The following LRBA variants were observed in gnomAD, a reference collection of about 807,000 sequenced individuals.
LRBA encodes LPS responsive beige-like anchor protein.
Under a neutral mutation model 330.0 loss-of-function variants are expected in LRBA, and 176 were observed. That is an observed-to-expected ratio of 0.53 (90% CI 0.47 to 0.60). The LOEUF (loss-of-function observed/expected upper bound fraction) is 0.60. Ranked by LOEUF, LRBA falls within the 20% of genes least tolerant of loss-of-function variation. The probability of loss-of-function intolerance (pLI) is 0.00; values close to 1 mark genes in which losing one functional copy is unlikely to be tolerated. For missense variants in LRBA, 3,259 were observed against 3,444.8 expected (o/e 0.95, Z 1.35); for synonymous variants, 1,230 against 1,193.0 (o/e 1.03, Z -0.64).
intron 9 of LRBA, among the ~76,000 whole-genome samples, chr4:150,911,923 G>A (rs952855253): frequency 6.6e-6 from 1 of 152,038 alleles, no homozygotes; most frequent in African/African-American, 2.4e-5. Context: ...AGTCTCAGTA[G>A]GATGTATATT....
chr4:150,683,885 C>T, intron 36 of LRBA, 168 bp from the exon 37 acceptor site: 1 of 555,236 alleles, frequency 1.8e-6, no homozygotes, highest in Non-Finnish European at 3.2e-6. Context: ...ATAAAACATC[C>T]CACAAGAATT....
intron 37 of LRBA, among the ~76,000 whole-genome samples, chr4:150,639,185 A>G (rs1284776511): frequency 7.1e-6 from 1 of 141,208 alleles, no homozygotes; most frequent in East Asian, 2.1e-4. Context: ...GGGGAATATC[A>G]CACTCTGGGG....
chr4:150,542,946 T>C (rs1021296739), intron 40 of LRBA, among the ~76,000 whole-genome samples: 6 of 152,182 alleles, frequency 3.9e-5, no homozygotes, highest in African/African-American at 1.4e-4. Context: ...AATAATTTTA[T>C]AATGAGGCTT....
At chr4:150,407,738 C>A (rs1176514346) in intron 47 of LRBA, among the ~76,000 whole-genome samples, 2 of 152,080 alleles carry the variant, frequency 1.3e-5, no homozygotes, top group Admixed American at 1.3e-4. Context: ...GGAAAATACA[C>A]ATTTGGAAAA....
chr4:150,613,863 C>G (rs762476642), intron 37 of LRBA, among the ~76,000 whole-genome samples: 1 of 152,226 alleles, frequency 6.6e-6, no homozygotes, highest in Non-Finnish European at 1.5e-5. Flanking sequence ...CTCCAGGCAT[C>G]TCTTCCTAGA....
intron 46 of LRBA, among the ~76,000 whole-genome samples, chr4:150,416,830 T>A (rs1185181789): frequency 6.6e-6 from 1 of 152,112 alleles, no homozygotes; most frequent in Non-Finnish European, 1.5e-5. Flanking sequence ...TATTGCATGG[T>A]ATGAGTCATA....
chr4:150,630,087 A>G (rs971226905), intron 37 of LRBA, among the ~76,000 whole-genome samples: 1 of 152,180 alleles, frequency 6.6e-6, no homozygotes, highest in African/African-American at 2.4e-5. Context: ...AAGCCTGTAT[A>G]TCATCTTTGA....
At chr4:150,513,181 A>G (rs1295289003) in intron 40 of LRBA, among the ~76,000 whole-genome samples, 1 of 152,242 alleles carries the variant, frequency 6.6e-6, no homozygotes, top group Non-Finnish European at 1.5e-5. Flanking sequence ...AGGTATAATC[A>G]TACTACCTCT....
chr4:150,762,869 T>C (rs556933769), intron 34 of LRBA, among the ~76,000 whole-genome samples: 18 of 152,102 alleles, frequency 1.2e-4, no homozygotes, highest in African/African-American at 4.3e-4. Flanking sequence ...GTAATAACTC[T>C]AAGACTTTCA....
chr4:150,625,704 T>C (rs1254903481), intron 37 of LRBA, among the ~76,000 whole-genome samples: 1 of 149,230 alleles, frequency 6.7e-6, no homozygotes, highest in Non-Finnish European at 1.5e-5. Context: ...TATATATATA[T>C]ATAATTATTA....
Position 150,900,114 on chromosome 4 carries a change from G to A in LRBA, c.1859C>T (p.Thr620Met), listed in dbSNP as rs1367929161. The A allele has an allele frequency of 2.9e-5, 47 of 1,612,712 alleles. No homozygotes were observed. Among genetic ancestry groups the A allele is most frequent in the Admixed American group, 5.0e-5 (3 of 59,964 alleles). The change falls in exon 14 of 57, where the codon ACG becomes ATG. Residue 620 changes from threonine to methionine, a missense_variant. Transcript: ENST00000651943. ...CACTGCCCAGTAGTAGTACTTCAGC[G>A]TGTGCATGATGAGAAGCACTGTTCC... ...RVGTVLLIMH[T>M]LKYYYWAVNP...
intron 50 of LRBA, among the ~76,000 whole-genome samples, chr4:150,318,718 G>A (rs1187867129): frequency 6.6e-6 from 1 of 152,118 alleles, no homozygotes; most frequent in African/African-American, 2.4e-5. Context: ...ATCGCTTTTT[G>A]TATTTTTCTG....
At chr4:150,503,470 C>T (rs555378475) in intron 40 of LRBA, among the ~76,000 whole-genome samples, 2 of 152,232 alleles carry the variant, frequency 1.3e-5, no homozygotes, top group East Asian at 3.9e-4. Context: ...TACCAAACCC[C>T]AACAGTTTGG....
intron 36 of LRBA, among the ~76,000 whole-genome samples, chr4:150,693,847 C>A (rs1325155624): frequency 2.6e-5 from 4 of 151,942 alleles, no homozygotes; most frequent in Non-Finnish European, 5.9e-5. Context: ...TTATAAAAAG[C>A]AAATTTTTAT....
chr4:150,769,449 A>G (rs1736257831), intron 34 of LRBA, among the ~76,000 whole-genome samples: 3 of 152,176 alleles, frequency 2.0e-5, no homozygotes, highest in Admixed American at 2.0e-4. Flanking sequence ...AGCAAGACCA[A>G]TGGCACAGTC....
At chr4:150,608,124 T>C (rs1774856139) in intron 37 of LRBA, among the ~76,000 whole-genome samples, 1 of 152,136 alleles carries the variant, frequency 6.6e-6, no homozygotes, top group Non-Finnish European at 1.5e-5. Flanking sequence ...GGTGGGAGCG[T>C]CACCTGAGCC....
chr4:150,290,227 A>C (rs944179248), intron 53 of LRBA, among the ~76,000 whole-genome samples: 18 of 152,210 alleles, frequency 1.2e-4, no homozygotes, highest in African/African-American at 4.1e-4. Flanking sequence ...CAGCTCAAAC[A>C]AGATGATTCT....
intron 2 of LRBA, among the ~76,000 whole-genome samples, chr4:150,951,834 C>T (rs77228037): frequency 9.2e-5 from 14 of 152,098 alleles, no homozygotes; most frequent in African/African-American, 2.4e-4. Context: ...TCCAATTAGA[C>T]GTGATTTTTA....
chr4:150,849,601 T>C, intron 24 of LRBA, 26 bp from the exon 25 acceptor site: 1 of 1,591,438 alleles, frequency 6.3e-7, no homozygotes, highest in Non-Finnish European at 8.6e-7. Context: ...TGATATTTAC[T>C]GATAAAGCTA....
Sources: gnomAD v4.1 joint callset for allele counts (sites outside exome capture counted in the v4.1 genomes callset) on GRCh38, gnomAD v4.1.1 for gene constraint, MANE v1.5 for transcripts, NCBI Gene and HGNC (gene_info 2026-07-23, HGNC 2026-07-21) for gene names.